Variants in DNAH12 observed in about 807,000 individuals in gnomAD.
The protein encoded by DNAH12 is axonemal beta dynein heavy chain 12.
In DNAH12, 285 loss-of-function variants were observed where a neutral mutation model predicts 371.5. The ratio of observed to expected loss-of-function variants is 0.77; its 90% CI spans 0.70 to 0.85. The LOEUF is 0.85. DNAH12 is among the 40% of genes least tolerant of loss of function. DNAH12 has a pLI of 0.00. For missense variants in DNAH12, 3,611 were observed against 3,689.4 expected (o/e 0.98, Z 0.55); for synonymous variants, 1,200 against 1,213.0 (o/e 0.99, Z 0.22).
At chr3:57,426,946 TAG>T (rs1413134054) in intron 34 of DNAH12, among the ~76,000 whole-genome samples, 1 of 152,166 alleles carries the variant, frequency 6.6e-6, no homozygotes, top group African/African-American at 2.4e-5. Flanking sequence ...TATATAGCAT[TAG>T]AGTTTTAAAA....
intron 13 of DNAH12, among the ~76,000 whole-genome samples, chr3:57,473,349 T>G (rs980704666): frequency 1.3e-5 from 2 of 152,014 alleles, no homozygotes; most frequent in Non-Finnish European, 2.9e-5. Flanking sequence ...TAGCTGGGCT[T>G]GGTGACGCAC....
chr3:57,344,913 C>G, intron 60 of DNAH12, among the ~76,000 whole-genome samples: 1 of 152,146 alleles, frequency 6.6e-6, no homozygotes, highest in East Asian at 1.9e-4. Flanking sequence ...TCTTGAACAA[C>G]CAACACAGGA....
Position 57,467,917 on chromosome 3 carries a change from C to T in DNAH12, c.2349+819G>A, listed in dbSNP as rs544861444. On this transcript the variant is annotated intron_variant, in intron 17 of 73. Transcript: ENST00000495027. Reference sequence around the variant, plus strand: ...ATGAGACACCAAAACATCAAAGATGCAAACAGATGTAATTCAAAAGATGAG... The same window carrying T: ...ATGAGACACCAAAACATCAAAGATGTAAACAGATGTAATTCAAAAGATGAG... Among the ~76,000 whole-genome samples the T allele has an allele frequency of 3.3e-5, 5 of 152,244 alleles. No homozygotes were observed. In the East Asian group the frequency reaches 9.7e-4, roughly 29 times the overall value.
At chr3:57,479,680 T>C (rs1381533532) in intron 13 of DNAH12, among the ~76,000 whole-genome samples, 1 of 152,120 alleles carries the variant, frequency 6.6e-6, no homozygotes, top group African/African-American at 2.4e-5. Context: ...AGTAAAGCAC[T>C]CCTCAGCAAA....
At chr3:57,514,344 A>G (rs1461643109) in intron 4 of DNAH12, among the ~76,000 whole-genome samples, 1 of 151,390 alleles carries the variant, frequency 6.6e-6, no homozygotes, top group South Asian at 2.1e-4. Flanking sequence ...CAGTGAGCCG[A>G]GATTGTGCCA....
At chr3:57,521,096 A>T (rs930209362) in intron 4 of DNAH12, among the ~76,000 whole-genome samples, 18 of 142,700 alleles carry the variant, frequency 1.3e-4, no homozygotes, top group Non-Finnish European at 2.2e-4. Context: ...AAAAAAAAAA[A>T]AAAATTCTGG....
At chr3:57,511,518 T>A (rs2067998638) in intron 4 of DNAH12, among the ~76,000 whole-genome samples, 1 of 152,220 alleles carries the variant, frequency 6.6e-6, no homozygotes, top group African/African-American at 2.4e-5. Context: ...ATTTCACTTT[T>A]CCCAAAATTG....
intron 41 of DNAH12, 112 bp downstream of exon 41, chr3:57,405,541 A>T (rs1553680800): frequency 8.3e-7 from 1 of 1,212,114 alleles, no homozygotes; most frequent in African/African-American, 1.6e-5. Flanking sequence ...ATTTACAAGG[A>T]ATGCTAAAAG....
At position 57,428,869 on chromosome 3, in the gene DNAH12, C is replaced by T. The variant is rs116255490; in HGVS notation, c.5065-48G>A. 2,318 of 1,457,186 alleles carry T rather than the reference C, an allele frequency of 1.6e-3. 25 individuals are homozygous for T. The African/African-American group carries it at 0.03, about 19-fold the overall frequency. 90.3% of individuals were successfully genotyped at this position (1,457,186 alleles called of 1,614,324 possible). ...TGCACTGTTGTTTTTATACCAGTGG[C>T]ACCTGGCAATTATCAACTATTTCTT... On this transcript the variant is annotated intron_variant, in intron 33 of 73. Transcript: ENST00000495027.
chr3:57,305,869 C>T (rs1006137518), intron 69 of DNAH12, among the ~76,000 whole-genome samples: 2 of 152,182 alleles, frequency 1.3e-5, no homozygotes, highest in East Asian at 1.9e-4. Context: ...ACCCCAGCCA[C>T]GTCTCCAGCA....
At chr3:57,326,077 G>A (rs1395611569) in intron 62 of DNAH12, among the ~76,000 whole-genome samples, 6 of 152,228 alleles carry the variant, frequency 3.9e-5, no homozygotes, top group East Asian at 1.9e-4. Flanking sequence ...CCAAATCTAC[G>A]TCTGATTGGT....
chr3:57,531,587 C>A (rs1418817799), intron 2 of DNAH12, among the ~76,000 whole-genome samples: 1 of 151,736 alleles, frequency 6.6e-6, no homozygotes, highest in Non-Finnish European at 1.5e-5. Flanking sequence ...CATGGCAAAA[C>A]CCCATATCTA....
chr3:57,499,645 A>ATAT (rs1246732869), intron 11 of DNAH12, among the ~76,000 whole-genome samples: 6 of 23,372 alleles, frequency 2.6e-4, no homozygotes, highest in African/African-American at 6.9e-4. Flanking sequence ...AAAAAAAAAA[A>ATAT]AAATATATAT....
intron 2 of DNAH12, among the ~76,000 whole-genome samples, chr3:57,539,971 T>C (rs2153402893): frequency 6.6e-6 from 1 of 152,160 alleles, no homozygotes; most frequent in Admixed American, 6.5e-5. Context: ...AACATGACTT[T>C]TTTGTTTTTT....
chr3:57,408,983 TCA>T (rs1484979595), intron 39 of DNAH12, among the ~76,000 whole-genome samples: 15 of 152,338 alleles, frequency 9.8e-5, no homozygotes, highest in African/African-American at 3.6e-4. Context: ...TCCAGAAATG[TCA>T]CAGTTTGAAC....
intron 29 of DNAH12, among the ~76,000 whole-genome samples, chr3:57,438,180 G>A (rs962599896): frequency 5.3e-5 from 8 of 151,902 alleles, no homozygotes; most frequent in East Asian, 1.9e-4. Context: ...GCGTGGTGGC[G>A]GGCACCTGTA....
intron 58 of DNAH12, among the ~76,000 whole-genome samples, chr3:57,361,643 T>C (rs1029134473): frequency 6.6e-6 from 1 of 151,664 alleles, no homozygotes; most frequent in East Asian, 1.9e-4. Flanking sequence ...GAATCCCTAA[T>C]TGTTCAATCA....
chr3:57,533,675 A>C (rs2068927845), intron 2 of DNAH12, among the ~76,000 whole-genome samples: 1 of 152,214 alleles, frequency 6.6e-6, no homozygotes, highest in South Asian at 2.1e-4. Flanking sequence ...TGGGGTTCTC[A>C]TGACTCTGCC....
intron 35 of DNAH12, 77 bp downstream of exon 35, chr3:57,424,945 T>C: frequency 3.2e-6 from 2 of 632,796 alleles, no homozygotes; most frequent in Non-Finnish European, 5.7e-6. Flanking sequence ...TCTTGTCATG[T>C]CTTTCTCAAT....
Sources: gnomAD v4.1 joint callset for allele counts (sites outside exome capture counted in the v4.1 genomes callset) on GRCh38, gnomAD v4.1.1 for gene constraint, MANE v1.5 for transcripts, NCBI Gene and HGNC (gene_info 2026-07-23, HGNC 2026-07-21) for gene names.